The following DSCAM variants were observed in gnomAD, a reference collection of about 807,000 sequenced individuals.
DSCAM encodes the protein DS cell adhesion molecule.
A neutral mutation model predicts 217.7 loss-of-function variants in DSCAM; 47 were observed. The observed-to-expected ratio is 0.22, with a 90% CI of 0.17 to 0.28. DSCAM has a LOEUF of 0.28. DSCAM is among the 10% of genes least tolerant of loss of function. The pLI is 1.00. For missense variants in DSCAM, 2,080 were observed against 2,618.3 expected (o/e 0.79, Z 4.49); for synonymous variants, 1,056 against 1,015.3 (o/e 1.04, Z -0.76).
At position 40,013,031 on chromosome 21, in the gene DSCAM, C is replaced by G; in HGVS notation, c.*3G>C. 1 of 1,458,128 alleles carries G rather than the reference C, an allele frequency of 6.9e-7. No individual in the cohort carries two copies. Among genetic ancestry groups the G allele is most frequent in the Non-Finnish European group, 9.1e-7 (1 of 1,101,834 alleles). 90.3% of individuals were successfully genotyped at this position (1,458,128 alleles called of 1,614,324 possible). ...TACAACCGCTGTCCAGTCATGCTGTCTGTTATACCAGGGTGTAAGATTTTG... is the reference window on the plus strand; with the variant it reads ...TACAACCGCTGTCCAGTCATGCTGTGTGTTATACCAGGGTGTAAGATTTTG... On this transcript the variant is annotated 3_prime_UTR_variant, in exon 33 of 33. Transcript: ENST00000400454.
At chr21:40,370,842 G>C (rs1322815576) in intron 3 of DSCAM, among the ~76,000 whole-genome samples, 1 of 152,004 alleles carries the variant, frequency 6.6e-6, no homozygotes, top group Non-Finnish European at 1.5e-5. Context: ...GGCTGGTCTT[G>C]AACTCATGAG....
At chr21:40,163,108 A>G (rs1254695511) in intron 16 of DSCAM, among the ~76,000 whole-genome samples, 1 of 81,336 alleles carries the variant, frequency 1.2e-5, no homozygotes, top group African/African-American at 4.9e-5. Flanking sequence ...CACACACACA[A>G]GCATGCACAC....
intron 1 of DSCAM, among the ~76,000 whole-genome samples, chr21:40,732,807 T>C (rs1235189465): frequency 1.3e-5 from 2 of 152,240 alleles, no homozygotes; most frequent in African/African-American, 4.8e-5. Flanking sequence ...TATCACCATT[T>C]AATGGTACTT....
At chr21:40,126,828 A>G (rs1315210461) in intron 19 of DSCAM, among the ~76,000 whole-genome samples, 2 of 152,180 alleles carry the variant, frequency 1.3e-5, no homozygotes, top group Non-Finnish European at 2.9e-5. Flanking sequence ...CTTTCCTTGT[A>G]TGGTTACTAG....
intron 6 of DSCAM, among the ~76,000 whole-genome samples, chr21:40,347,322 C>A (rs2074569639): frequency 6.8e-6 from 1 of 146,922 alleles, no homozygotes; most frequent in Admixed American, 6.7e-5. Context: ...AAAAAATTCC[C>A]CAAGCAAGGC....
chr21:40,094,731 C>T lies in DSCAM; in HGVS notation c.3697-857G>A, dbSNP rs554922465. Reference sequence around the variant, plus strand: ...AAATAATTAGCCCCAGGCTGAATACCACTCCAGTCTTTCCTAATTATTCTT... The same window carrying T: ...AAATAATTAGCCCCAGGCTGAATACTACTCCAGTCTTTCCTAATTATTCTT... On this transcript the variant is annotated intron_variant, in intron 20 of 32. Coordinates refer to ENST00000400454, the MANE Select transcript of DSCAM (RefSeq NM_001389.5). Among the ~76,000 whole-genome samples the T allele has an allele frequency of 2.2e-4, 33 of 152,294 alleles. No homozygotes were observed. In the South Asian group the frequency reaches 6.6e-3, roughly 31 times the overall value.
chr21:40,732,074 G>A (rs933940803), intron 1 of DSCAM, among the ~76,000 whole-genome samples: 3 of 152,104 alleles, frequency 2.0e-5, no homozygotes, highest in African/African-American at 7.2e-5. Flanking sequence ...ATCACCTTCT[G>A]AGGTCAGTGG....
chr21:40,024,836 T>C (rs1342929021), intron 32 of DSCAM, among the ~76,000 whole-genome samples: 1 of 82,144 alleles, frequency 1.2e-5, no homozygotes, highest in Non-Finnish European at 2.7e-5. Context: ...TTTGACTTCC[T>C]CTTTTCCTAA....
chr21:40,331,274 A>G (rs1377755405), intron 8 of DSCAM, among the ~76,000 whole-genome samples: 3 of 152,192 alleles, frequency 2.0e-5, no homozygotes, highest in African/African-American at 2.4e-5. Context: ...AAATGTCTGA[A>G]AGCAGGAGTG....
intron 3 of DSCAM, among the ~76,000 whole-genome samples, chr21:40,563,559 A>G: frequency 8.7e-6 from 1 of 114,854 alleles, no homozygotes; most frequent in African/African-American, 3.5e-5. Flanking sequence ...ATATATGTTT[A>G]TATGTTTATA....
intron 4 of DSCAM, among the ~76,000 whole-genome samples, chr21:40,367,357 A>G (rs2074844217): frequency 1.3e-5 from 2 of 152,080 alleles, no homozygotes; most frequent in Admixed American, 1.3e-4. Flanking sequence ...GGTGCCATCC[A>G]TGTACTTTTT....
intron 15 of DSCAM, among the ~76,000 whole-genome samples, chr21:40,168,660 G>A (rs1483195768): frequency 6.6e-6 from 1 of 152,198 alleles, no homozygotes; most frequent in Non-Finnish European, 1.5e-5. Flanking sequence ...ATTTTGGGGA[G>A]TTTGGAAGTA....
rs753577542 is a variant in DSCAM at position 40,846,607 on chromosome 21, C to A, written c.43+12G>T. ...TAAGGAAACGAAATTCATCACAAAC[C>A]GAAAGGCTCACCATTCGCGAAGCTC... On this transcript the variant is annotated intron_variant, in intron 1 of 32. Transcript: ENST00000400454. 5 of 1,265,714 alleles carry A rather than the reference C, an allele frequency of 4.0e-6. No homozygotes were observed. In the South Asian group the frequency reaches 7.4e-5, roughly 19 times the overall value. The allele number at this position is 1,265,714 out of a possible 1,614,324, so 78.4% of individuals were successfully genotyped here. A position where few individuals can be genotyped will look rare whatever the true frequency, so the allele number is the denominator to read the frequency against.
At chr21:40,075,003 A>G (rs775754153) in intron 27 of DSCAM, 34 bp downstream of exon 27, 1 of 1,608,754 alleles carries the variant, frequency 6.2e-7, no homozygotes, top group South Asian at 1.1e-5. Flanking sequence ...GCAGCAGGGG[A>G]CACGCGTAGG....
intron 14 of DSCAM, among the ~76,000 whole-genome samples, chr21:40,181,887 G>A (rs1305642569): frequency 6.6e-6 from 1 of 152,026 alleles, no homozygotes; most frequent in African/African-American, 2.4e-5. Context: ...ATTCACGAAA[G>A]AGTGGGCGGG....
chr21:40,404,903 A>G (rs1195759804), intron 3 of DSCAM, among the ~76,000 whole-genome samples: 1 of 152,226 alleles, frequency 6.6e-6, no homozygotes, highest in African/African-American at 2.4e-5. Context: ...AGGCACACCC[A>G]GTAACAGACC....
intron 3 of DSCAM, among the ~76,000 whole-genome samples, chr21:40,563,774 A>ATATATGTTTGTATGTT (rs2076743765): frequency 1.4e-5 from 1 of 73,828 alleles, no homozygotes; most frequent in Non-Finnish European, 3.9e-5. Context: ...TTGTATGTTT[A>ATATATGTTTGTATGTT]TATATATGTT....
At chr21:40,240,366 T>TTTTTTTTG (rs2073135221) in intron 11 of DSCAM, among the ~76,000 whole-genome samples, 1 of 147,498 alleles carries the variant, frequency 6.8e-6, no homozygotes, top group Non-Finnish European at 1.5e-5. Flanking sequence ...TTTTTTTTTT[T>TTTTTTTTG]TTTTTTTGCC....
chr21:40,314,520 G>T (rs1054557661), intron 8 of DSCAM, among the ~76,000 whole-genome samples: 1 of 152,164 alleles, frequency 6.6e-6, no homozygotes, highest in Non-Finnish European at 1.5e-5. Flanking sequence ...GAATGTGCTG[G>T]AGAAAATGTC....
Sources: gnomAD v4.1 joint callset for allele counts (sites outside exome capture counted in the v4.1 genomes callset) on GRCh38, gnomAD v4.1.1 for gene constraint, MANE v1.5 for transcripts, NCBI Gene and HGNC (gene_info 2026-07-23, HGNC 2026-07-21) for gene names.